PDLIM5: variants seen among roughly 807,000 people sequenced by gnomAD.
PDLIM5 encodes the protein PDZ and LIM domain protein 5.
PDLIM5 carries 34 observed loss-of-function variants against 64.2 expected under a neutral mutation model. The ratio of observed to expected loss-of-function variants is 0.53; its 90% confidence interval spans 0.40 to 0.71. The LOEUF (loss-of-function observed/expected upper bound fraction) is 0.71. PDLIM5 is among the 30% of genes least tolerant of loss of function. The pLI is 0.00. For synonymous variants in PDLIM5, 253 were observed against 269.1 expected, an observed-to-expected ratio of 0.94 and a Z score of 0.59; for missense variants, 683 against 733.6, an observed-to-expected ratio of 0.93 and a Z score of 0.80.
intron 2 of PDLIM5, among the ~76,000 whole-genome samples, chr4:94,522,225 T>C (rs1033499818): frequency 6.6e-6 from 1 of 152,206 alleles, no homozygotes; most frequent in African/African-American, 2.4e-5. Context: ...ATAGCATAAG[T>C]GGAACGACCT....
intron 3 of PDLIM5, among the ~76,000 whole-genome samples, chr4:94,569,982 T>C (rs1381648540): frequency 6.6e-6 from 1 of 152,162 alleles, no homozygotes; most frequent in Non-Finnish European, 1.5e-5. Context: ...TTGACTTTTA[T>C]CTGGTTGATG....
At chr4:94,573,421 A>T in intron 4 of PDLIM5, 28 bp downstream of exon 4, 1 of 1,566,826 alleles carries the variant, frequency 6.4e-7, no homozygotes, top group Non-Finnish European at 8.8e-7. Flanking sequence ...CACCCAGAGT[A>T]TCACTTGATT....
intron 3 of PDLIM5, among the ~76,000 whole-genome samples, chr4:94,525,363 A>C (rs1211876440): frequency 6.6e-6 from 1 of 152,128 alleles, no homozygotes; most frequent in Non-Finnish European, 1.5e-5. Context: ...GGTTGCAGTG[A>C]GCCAAGATCT....
chr4:94,573,325 T>C, intron 3 of PDLIM5, 26 bp from the exon 4 acceptor site: 1 of 1,591,320 alleles, frequency 6.3e-7, no homozygotes, highest in Non-Finnish European at 8.6e-7. Flanking sequence ...TATTTTTTTT[T>C]TCTTTTTCTT....
Position 94,457,491 on chromosome 4 carries a change from G to A in PDLIM5, c.96+2107G>A, listed in dbSNP as rs142426292. ...TATTATTGGTTTTTACGTTTTGTTAGCATTTTATATTTTAAATATTCTACT... is the reference window on the plus strand; with the variant it reads ...TATTATTGGTTTTTACGTTTTGTTAACATTTTATATTTTAAATATTCTACT... On this transcript the variant is annotated intron_variant, in intron 2 of 12. Transcript: ENST00000317968. Among the ~76,000 whole-genome samples, 336 of 152,096 alleles carry A rather than the reference G, an allele frequency of 2.2e-3. 2 individuals carry two copies. The highest frequency in any genetic ancestry group is 2.9e-3 in the Non-Finnish European group (197 of 67,982).
At chr4:94,482,888 C>CTAAAA (rs113979372) in intron 2 of PDLIM5, among the ~76,000 whole-genome samples, 7 of 151,654 alleles carry the variant, frequency 4.6e-5, no homozygotes, top group Non-Finnish European at 1.0e-4. Flanking sequence ...GACCCTGTCA[C>CTAAAA]TAAAATAAAA....
At chr4:94,549,080 T>G (rs758300894) in intron 3 of PDLIM5, among the ~76,000 whole-genome samples, 76 of 152,230 alleles carry the variant, frequency 5.0e-4, no homozygotes, top group Non-Finnish European at 1.5e-4. Flanking sequence ...TTTCCTCGGT[T>G]TCCAATACTT....
chr4:94,612,483 C>T (rs920627626), intron 7 of PDLIM5, among the ~76,000 whole-genome samples: 1 of 152,046 alleles, frequency 6.6e-6, no homozygotes, highest in African/African-American at 2.4e-5. Flanking sequence ...ACACTTAGAC[C>T]ACACTTTTAG....
intron 3 of PDLIM5, among the ~76,000 whole-genome samples, chr4:94,529,825 C>CTAT (rs1165198345): frequency 6.6e-6 from 1 of 152,088 alleles, no homozygotes; most frequent in African/African-American, 2.4e-5. Flanking sequence ...ATAAAAAATT[C>CTAT]TATTTAAAAT....
chr4:94,550,472 T>G (rs1234942280), intron 3 of PDLIM5, among the ~76,000 whole-genome samples: 1 of 152,208 alleles, frequency 6.6e-6, no homozygotes, highest in Non-Finnish European at 1.5e-5. Flanking sequence ...TGTCACACAC[T>G]GAAAGATGCA....
At chr4:94,467,849 CAG>C (rs1192374569) in intron 2 of PDLIM5, among the ~76,000 whole-genome samples, 2 of 152,190 alleles carry the variant, frequency 1.3e-5, no homozygotes, top group Admixed American at 6.5e-5. Flanking sequence ...GCCTTTCAAA[CAG>C]GGGAATGAGT....
chr4:94,607,160 C>G (rs554397924), intron 7 of PDLIM5, among the ~76,000 whole-genome samples: 1 of 152,128 alleles, frequency 6.6e-6, no homozygotes, highest in Admixed American at 6.5e-5. Flanking sequence ...AAAGGTATGA[C>G]TAATGTGAAA....
At chr4:94,480,840 A>G (rs1157044778) in intron 2 of PDLIM5, among the ~76,000 whole-genome samples, 3 of 152,144 alleles carry the variant, frequency 2.0e-5, no homozygotes, top group Non-Finnish European at 4.4e-5. Context: ...CAGACAATAC[A>G]AAAAAGGTTT....
chr4:94,465,645 C>T lies in PDLIM5; in HGVS notation c.96+10261C>T, dbSNP rs540723865. Among the ~76,000 whole-genome samples the T allele has an allele frequency of 2.2e-4, 33 of 152,106 alleles. No homozygotes were observed. In the South Asian group the frequency reaches 5.8e-3, roughly 27 times the overall value. On this transcript the variant is annotated intron_variant, in intron 2 of 12. Coordinates refer to ENST00000317968, the MANE Select transcript of PDLIM5 (RefSeq NM_006457.5). ...AGGCTGGTCTCAAACCCCTGACTCC[C>T]GCCTCAGCTTATCAAAGTGCTGGGA... is the stretch of plus-strand genomic sequence containing the variant.
At chr4:94,638,169 T>C (rs749291887) in intron 8 of PDLIM5, among the ~76,000 whole-genome samples, 4 of 152,142 alleles carry the variant, frequency 2.6e-5, no homozygotes, top group Non-Finnish European at 5.9e-5. Flanking sequence ...AGAAAACATA[T>C]TTGGTGCTCC....
intron 2 of PDLIM5, among the ~76,000 whole-genome samples, chr4:94,491,206 AT>A (rs1377015597): frequency 6.6e-6 from 1 of 152,170 alleles, no homozygotes; most frequent in Admixed American, 6.5e-5. Flanking sequence ...AAGGGGATTG[AT>A]TTAACTGGCA....
At chr4:94,567,330 C>A (rs1312441399) in intron 3 of PDLIM5, among the ~76,000 whole-genome samples, 1 of 152,132 alleles carries the variant, frequency 6.6e-6, no homozygotes, top group Non-Finnish European at 1.5e-5. Flanking sequence ...TTTTCACAGG[C>A]AGATTATTTG....
At chr4:94,467,454 C>G (rs1724473106) in intron 2 of PDLIM5, among the ~76,000 whole-genome samples, 1 of 152,004 alleles carries the variant, frequency 6.6e-6, no homozygotes, top group Non-Finnish European at 1.5e-5. Context: ...GCTGGGATTA[C>G]AGGCACCCAC....
chr4:94,571,491 A>AC (rs1734795237), intron 3 of PDLIM5, among the ~76,000 whole-genome samples: 1 of 152,072 alleles, frequency 6.6e-6, no homozygotes, highest in African/African-American at 2.4e-5. Flanking sequence ...AAAATTGTTG[A>AC]CCCCATAGCA....
Sources: gnomAD v4.1 joint callset for allele counts (sites outside exome capture counted in the v4.1 genomes callset) on GRCh38, gnomAD v4.1.1 for gene constraint, MANE v1.5 for transcripts, NCBI Gene and HGNC (gene_info 2026-07-23, HGNC 2026-07-21) for gene names.